Variants in GBE1 observed in about 807,000 individuals in gnomAD.
GBE1 encodes the protein 1,4-alpha-glucan branching enzyme 1.
A neutral mutation model predicts 88.8 loss-of-function variants in GBE1; 70 were observed. The observed-to-expected ratio is 0.79, with a 90% CI of 0.65 to 0.96. The LOEUF (loss-of-function observed/expected upper bound fraction) is 0.96, where lower values mean the gene tolerates loss of function less well. Among genes scored for constraint, GBE1 ranks in the 40% least tolerant of loss-of-function variants. The pLI is 0.00. For missense variants in GBE1, 872 were observed against 871.0 expected, an observed-to-expected ratio of 1.00 and a Z score of -0.01; for synonymous variants, 284 against 300.1, an observed-to-expected ratio of 0.95 and a Z score of 0.56.
rs1233573213 is a variant in GBE1 at position 81,743,057 on chromosome 3, T to C, written c.143+18318A>G. ...GTACAAATCTCTATTCTAAATTCTATAGAAAATACCAAAAGACAATAATGT... is the reference window on the plus strand; with the variant it reads ...GTACAAATCTCTATTCTAAATTCTACAGAAAATACCAAAAGACAATAATGT... On this transcript the variant is annotated intron_variant, in intron 1 of 15. Coordinates refer to ENST00000429644, the MANE Select transcript of GBE1 (RefSeq NM_000158.4). Among the ~76,000 whole-genome samples the C allele has an allele frequency of 2.0e-5, 3 of 152,278 alleles. No individual in the cohort carries two copies. The East Asian group carries it at 5.8e-4, about 29-fold the overall frequency.
At chr3:81,647,805 A>G (rs1042408406) in intron 5 of GBE1, among the ~76,000 whole-genome samples, 2 of 152,144 alleles carry the variant, frequency 1.3e-5, no homozygotes, top group Non-Finnish European at 2.9e-5. Flanking sequence ...CCTTGTATCA[A>G]GCACAAATTT....
intron 7 of GBE1, among the ~76,000 whole-genome samples, chr3:81,609,397 C>A (rs1276776368): frequency 2.0e-5 from 3 of 152,114 alleles, no homozygotes; most frequent in Non-Finnish European, 4.4e-5. Context: ...TGGTCTACAT[C>A]TGTCTGTCTC....
At chr3:81,743,586 A>G (rs1297451676) in intron 1 of GBE1, 1 of 1,535,420 alleles carries the variant, frequency 6.5e-7, no homozygotes, top group Admixed American at 2.0e-5. Flanking sequence ...TGGGACAACG[A>G]AGTTAGAAAC....
At chr3:81,623,796 C>T (rs1233250416) in intron 7 of GBE1, among the ~76,000 whole-genome samples, 1 of 152,092 alleles carries the variant, frequency 6.6e-6, no homozygotes, top group Non-Finnish European at 1.5e-5. Context: ...TCCTGAGTAG[C>T]TGGGACTTCA....
At chr3:81,525,761 G>A (rs1702934864) in intron 14 of GBE1, among the ~76,000 whole-genome samples, 1 of 152,010 alleles carries the variant, frequency 6.6e-6, no homozygotes. Flanking sequence ...TTAGTCTTGG[G>A]AGAGTGTATG....
At chr3:81,636,484 G>C (rs1704593021) in intron 7 of GBE1, among the ~76,000 whole-genome samples, 1 of 150,868 alleles carries the variant, frequency 6.6e-6, no homozygotes, top group South Asian at 2.1e-4. Context: ...TTAGCTGTTT[G>C]CTAAACTATG....
chr3:81,717,451 T>C (rs569648964), intron 1 of GBE1, among the ~76,000 whole-genome samples: 7 of 152,334 alleles, frequency 4.6e-5, no homozygotes, highest in African/African-American at 1.7e-4. Flanking sequence ...TTGTTCTTAA[T>C]GTGACTTTCA....
chr3:81,593,878 CCCCAAA>C, intron 8 of GBE1, 24 bp downstream of exon 8: 1 of 1,167,528 alleles, frequency 8.6e-7, no homozygotes, highest in Non-Finnish European at 1.2e-6. Context: ...CTGCAATTAA[CCCCAAA>C]CCTGATTATA....
At chr3:81,584,675 T>C (rs62265446) in intron 10 of GBE1, among the ~76,000 whole-genome samples, 13 of 151,358 alleles carry the variant, frequency 8.6e-5, no homozygotes, top group East Asian at 1.9e-4. Context: ...TTATTATAGT[T>C]ATCATGTATA....
chr3:81,674,313 C>A (rs564329249), intron 2 of GBE1, among the ~76,000 whole-genome samples: 2 of 152,008 alleles, frequency 1.3e-5, no homozygotes, highest in South Asian at 2.1e-4. Context: ...ATAAAAACAG[C>A]TTTACTCCAC....
intron 1 of GBE1, among the ~76,000 whole-genome samples, chr3:81,750,539 GTATATATATATGTA>G (rs1706484472): frequency 4.5e-5 from 3 of 66,400 alleles, no homozygotes; most frequent in African/African-American, 2.9e-4. Context: ...ATATATATAC[GTATATATATATGTA>G]TATATATATG....
chr3:81,511,420 T>C (rs1209239240), intron 14 of GBE1, among the ~76,000 whole-genome samples: 2 of 151,966 alleles, frequency 1.3e-5, no homozygotes, highest in Non-Finnish European at 2.9e-5. Flanking sequence ...TTGCAAGTTA[T>C]GAATCTGACA....
At chr3:81,732,075 T>C (rs368886442) in intron 1 of GBE1, among the ~76,000 whole-genome samples, 4 of 152,176 alleles carry the variant, frequency 2.6e-5, no homozygotes, top group East Asian at 1.9e-4. Flanking sequence ...ATGAAGACAA[T>C]TGTCTGCTTT....
chr3:81,586,126 C>T lies in GBE1; in HGVS notation c.1301G>A (p.Arg434Gln), dbSNP rs770819412. 45 of 1,609,376 alleles carry T rather than the reference C, an allele frequency of 2.8e-5. No homozygotes were observed. Among genetic ancestry groups the T allele is most frequent in the Non-Finnish European group, 2.0e-5 (24 of 1,178,202 alleles). The change falls in exon 10 of 16, where the codon CGA becomes CAA. Residue 434 changes from arginine (R) to glutamine (Q), a missense_variant. By Grantham distance (43) the Arg-to-Gln change is conservative. Coordinates refer to ENST00000429644, the MANE Select transcript of GBE1 (RefSeq NM_000158.4). ...CTTATCTGGAATTGCCATGGCTAGT[C>T]GATAGTCAAAACCACCCCCTCCCTG... Reference protein sequence around the residue: ...ISQGGGGFDYRLAMAIPDKWI... With the variant: ...ISQGGGGFDYQLAMAIPDKWI...
At chr3:81,628,427 A>G (rs528606761) in intron 7 of GBE1, among the ~76,000 whole-genome samples, 4 of 152,242 alleles carry the variant, frequency 2.6e-5, no homozygotes, top group East Asian at 3.9e-4. Flanking sequence ...AGTGAGGGCA[A>G]GAGCTCTGGG....
chr3:81,655,771 C>T (rs1704930586), intron 3 of GBE1, among the ~76,000 whole-genome samples: 2 of 152,160 alleles, frequency 1.3e-5, no homozygotes, highest in South Asian at 2.1e-4. Flanking sequence ...CCACATGCCT[C>T]GGTCTCCCAA....
chr3:81,535,296 A>G lies in GBE1; in HGVS notation c.1833T>C (p.Asn611=). 6.2e-7 allele frequency: 1 copy of G among 1,610,500 alleles called. No individual in the cohort carries two copies. The highest frequency in any genetic ancestry group is 1.1e-5 in the South Asian group (1 of 90,546). Residue 611 remains asparagine, a synonymous_variant, in exon 14 of 16, where the codon AAT becomes AAC. Transcript: ENST00000429644. The part of the protein sequence containing the change: ...QAYVSEKHEG[N]KIIAFERAGL... ...CTGCTCTTTCAAAAGCAATGATCTT[A>G]TTGCCTTCATGTTTTTCACTCACGT...
intron 13 of GBE1, among the ~76,000 whole-genome samples, chr3:81,536,165 T>C (rs956837799): frequency 2.0e-5 from 3 of 151,826 alleles, no homozygotes; most frequent in African/African-American, 7.3e-5. Flanking sequence ...GGCATTCGTG[T>C]CATGGAACAA....
intron 7 of GBE1, among the ~76,000 whole-genome samples, chr3:81,634,658 A>T (rs764770985): frequency 6.6e-6 from 1 of 152,184 alleles, no homozygotes; most frequent in Non-Finnish European, 1.5e-5. Context: ...GGGAAAAAAG[A>T]GAGGTATTTT....
Sources: gnomAD v4.1 joint callset for allele counts (sites outside exome capture counted in the v4.1 genomes callset) on GRCh38, gnomAD v4.1.1 for gene constraint, MANE v1.5 for transcripts, NCBI Gene and HGNC (gene_info 2026-07-23, HGNC 2026-07-21) for gene names.